The following PCDH11X variants were observed in gnomAD, a reference collection of about 807,000 sequenced individuals.
PCDH11X encodes the protein protocadherin-11 X-linked.
In PCDH11X, 18 loss-of-function variants were observed where a neutral mutation model predicts 53.3. That is an observed-to-expected ratio of 0.34 (90% CI 0.23 to 0.50). The LOEUF (loss-of-function observed/expected upper bound fraction) is 0.50. Among genes scored for constraint, PCDH11X ranks in the 20% least tolerant of loss-of-function variants. The pLI is 0.98. For missense variants in PCDH11X, 570 were observed against 1,032.4 expected (o/e 0.55, Z 6.14); for synonymous variants, 279 against 393.3 (o/e 0.71, Z 3.44).
intron 6 of PCDH11X, among the ~76,000 whole-genome samples, chrX:92,199,087 G>T (rs746073466): frequency 8.9e-6 from 1 of 111,772 alleles, no homozygotes; most frequent in Admixed American, 9.5e-5. Context: ...CAACATATTT[G>T]TACTTGAAGG....
intron 6 of PCDH11X, among the ~76,000 whole-genome samples, chrX:92,015,592 CT>C (rs751098627): frequency 8.9e-6 from 1 of 112,298 alleles, no homozygotes; most frequent in Non-Finnish European, 1.9e-5. Flanking sequence ...CAAGAAACCA[CT>C]TTTTTATCAT....
At chrX:92,091,849 A>C (rs1322695832) in intron 6 of PCDH11X, among the ~76,000 whole-genome samples, 1 of 111,336 alleles carries the variant, frequency 9.0e-6, no homozygotes, top group Non-Finnish European at 1.9e-5. Flanking sequence ...TTTTACAATA[A>C]GACCTAAAAG....
At chrX:92,295,548 A>T (rs2068587957) in intron 8 of PCDH11X, among the ~76,000 whole-genome samples, 1 of 110,101 alleles carries the variant, frequency 9.1e-6, no homozygotes, top group Non-Finnish European at 1.9e-5. Flanking sequence ...ACACGTTAGA[A>T]ATGAGCAAGA....
At chrX:92,534,270 T>A (rs1029344960) in intron 10 of PCDH11X, among the ~76,000 whole-genome samples, 1 of 111,151 alleles carries the variant, frequency 9.0e-6, no homozygotes, top group African/African-American at 3.3e-5. Context: ...CAAGCTTCAG[T>A]AGCCAATTCG....
rs1484132246 is a variant in PCDH11X at position 92,478,249 on chromosome X, C to T, written c.3367+9927C>T. ...CTTTCTTTTAAAAATTGCCCACTCTCGAGTATTTGTTTATAGCAATGTAAA... is the reference window on the plus strand; with the variant it reads ...CTTTCTTTTAAAAATTGCCCACTCTTGAGTATTTGTTTATAGCAATGTAAA... On this transcript the variant is annotated intron_variant, in intron 10 of 10. Transcript: ENST00000682573. Among the ~76,000 whole-genome samples the T allele has an allele frequency of 1.1e-4, 12 of 110,605 alleles. No homozygotes were observed. In the Admixed American group the frequency reaches 1.2e-3, roughly 11 times the overall value.
intron 8 of PCDH11X, among the ~76,000 whole-genome samples, chrX:92,364,539 G>A (rs2070419810): frequency 9.0e-6 from 1 of 110,661 alleles, no homozygotes; most frequent in Non-Finnish European, 1.9e-5. Flanking sequence ...TGAAGTCCTA[G>A]GCCATTACTT....
At chrX:91,939,557 C>T (rs1181123430) in intron 6 of PCDH11X, among the ~76,000 whole-genome samples, 1 of 108,712 alleles carries the variant, frequency 9.2e-6, no homozygotes, top group Non-Finnish European at 1.9e-5. Context: ...TCATAATAAT[C>T]AAATTGCTCA....
intron 6 of PCDH11X, among the ~76,000 whole-genome samples, chrX:92,015,732 A>G (rs1284458526): frequency 8.9e-6 from 1 of 111,979 alleles, no homozygotes; most frequent in South Asian, 3.7e-4. Context: ...GGCTTCCTTC[A>G]ATGAAGTCTT....
At chrX:92,594,928 C>T (rs1459448157) in intron 10 of PCDH11X, among the ~76,000 whole-genome samples, 2 of 107,890 alleles carry the variant, frequency 1.9e-5, no homozygotes, top group African/African-American at 3.4e-5. Flanking sequence ...TGGCAAAGTA[C>T]CCTCCTGTGA....
intron 6 of PCDH11X, among the ~76,000 whole-genome samples, chrX:92,128,384 C>T (rs775012064): frequency 9.2e-6 from 1 of 108,501 alleles, no homozygotes; most frequent in East Asian, 2.9e-4. Context: ...TGCCTGCAAT[C>T]TCTCAGCATT....
Position 92,172,860 on chromosome X carries a change from C to A in PCDH11X, c.3034-28515C>A, listed in dbSNP as rs755168822. Reference sequence around the variant, plus strand: ...ATGGAAGTATCACAGTCACTGGACACTGTATAATTATTCCTATAGTACTTA... The same window carrying A: ...ATGGAAGTATCACAGTCACTGGACAATGTATAATTATTCCTATAGTACTTA... On this transcript the variant is annotated intron_variant, in intron 6 of 10. Transcript: ENST00000682573. Among the ~76,000 whole-genome samples, 3 of 111,840 alleles carry A rather than the reference C, an allele frequency of 2.7e-5. No homozygotes were observed. In the South Asian group the frequency reaches 1.1e-3, roughly 41 times the overall value.
At chrX:92,085,373 CA>C (rs2148109580) in intron 6 of PCDH11X, among the ~76,000 whole-genome samples, 1 of 108,709 alleles carries the variant, frequency 9.2e-6, no homozygotes. Flanking sequence ...TTTAATTTAA[CA>C]AAATTAACCT....
At chrX:92,037,954 G>A (rs6618820) in intron 6 of PCDH11X, among the ~76,000 whole-genome samples, 1 of 100,329 alleles carries the variant, frequency 1.0e-5, no homozygotes, top group East Asian at 3.4e-4. Context: ...CTGGATATTA[G>A]ACCTTTGTCA....
At chrX:92,608,586 A>G (rs1955964202) in intron 10 of PCDH11X, among the ~76,000 whole-genome samples, 1 of 110,323 alleles carries the variant, frequency 9.1e-6, no homozygotes, top group Non-Finnish European at 1.9e-5. Flanking sequence ...TGTATTAAAA[A>G]TATTTCAAGC....
chrX:92,263,588 AATG>A (rs1199468077), intron 8 of PCDH11X, among the ~76,000 whole-genome samples: 1 of 111,979 alleles, frequency 8.9e-6, no homozygotes, highest in Non-Finnish European at 1.9e-5. Flanking sequence ...TAATAGGCAA[AATG>A]ATGATCTCAG....
chrX:92,182,607 G>A (rs2066016006), intron 6 of PCDH11X, among the ~76,000 whole-genome samples: 1 of 111,559 alleles, frequency 9.0e-6, no homozygotes, highest in Non-Finnish European at 1.9e-5. Flanking sequence ...ATGGGGGCAA[G>A]TCTTTCCCAT....
chrX:92,161,086 T>A (rs1290870444), intron 6 of PCDH11X, among the ~76,000 whole-genome samples: 1 of 111,116 alleles, frequency 9.0e-6, no homozygotes, highest in South Asian at 3.8e-4. Context: ...GTTGTATGTA[T>A]AGATTGTGAA....
intron 6 of PCDH11X, among the ~76,000 whole-genome samples, chrX:91,969,519 C>T (rs748499126): frequency 1.8e-5 from 2 of 111,069 alleles, no homozygotes; most frequent in East Asian, 5.7e-4. Flanking sequence ...TCATCATAGG[C>T]TAGACATGGT....
At chrX:92,602,347 G>A (rs72608342) in intron 10 of PCDH11X, among the ~76,000 whole-genome samples, 2 of 111,607 alleles carry the variant, frequency 1.8e-5, no homozygotes, top group African/African-American at 6.5e-5. Context: ...ATTAGCTGTA[G>A]GTTTAGCAGA....
Sources: allele counts gnomAD v4.1 joint callset (sites outside exome capture counted in the v4.1 genomes callset), GRCh38; gene constraint gnomAD v4.1.1; transcripts MANE v1.5; gene names NCBI Gene and HGNC (gene_info 2026-07-23, HGNC 2026-07-21).